Variants in ARHGAP21 observed in about 807,000 individuals in gnomAD.
ARHGAP21 encodes the protein rho GTPase-activating protein 21.
In ARHGAP21, 38 loss-of-function variants were observed where a neutral mutation model predicts 164.6. The ratio of observed to expected loss-of-function variants is 0.23; its 90% CI spans 0.18 to 0.30. The LOEUF (loss-of-function observed/expected upper bound fraction) is 0.30, where lower values mean the gene tolerates loss of function less well. ARHGAP21 is among the 10% of genes least tolerant of loss of function. The pLI, the probability that ARHGAP21 is intolerant of heterozygous loss-of-function variation, is 1.00. For missense variants in ARHGAP21, 1,822 were observed against 2,370.7 expected (o/e 0.77, Z 4.81); for synonymous variants, 766 against 857.9 (o/e 0.89, Z 1.87).
At chr10:24,605,801 TA>T (rs1022235012) in intron 11 of ARHGAP21, 9 of 143,192 alleles carry the variant, frequency 6.3e-5, no homozygotes, top group Non-Finnish European at 1.1e-4. Flanking sequence ...AATACTAAAA[TA>T]AAAATAGCCA....
rs57846258 is a variant in ARHGAP21 at position 24,592,156 on chromosome 10, ATTTTTTTT to A, written c.3877-152_3877-145del. 1.1e-3 allele frequency: 232 copies of A among 213,678 alleles called. 1 individual carries two copies. The highest frequency in any genetic ancestry group is 7.4e-3 in the Admixed American group (84 of 11,372). 13.2% of individuals were successfully genotyped at this position (213,678 alleles called of 1,614,324 possible). ...TAAAAAAATAATGCTTTCTAGCAAGATTTTTTTTTTTTTTTTTTTTTTTTTCTGAGACA... is the reference window on the plus strand; with the variant it reads ...TAAAAAAATAATGCTTTCTAGCAAGATTTTTTTTTTTTTTTTTCTGAGACA... On this transcript the variant is annotated intron_variant, in intron 21 of 25. Coordinates refer to ENST00000396432, the MANE Select transcript of ARHGAP21 (RefSeq NM_020824.4).
intron 2 of ARHGAP21, 39 bp downstream of exon 2, chr10:24,721,798 C>T: frequency 6.2e-7 from 1 of 1,610,474 alleles, no homozygotes; most frequent in Non-Finnish European, 8.5e-7. Flanking sequence ...AGACACAGGC[C>T]ACCGCCCTGC....
At chr10:24,640,458 G>A (rs1280619170) in intron 4 of ARHGAP21, among the ~76,000 whole-genome samples, 1 of 151,704 alleles carries the variant, frequency 6.6e-6, no homozygotes, top group Non-Finnish European at 1.5e-5. Flanking sequence ...TTTTTCCATT[G>A]GTTTCTTTGT....
In ARHGAP21 at chr10:24,721,895, A is replaced by G; in HGVS notation, c.5T>C (p.Met2Thr). Residue 2 changes from methionine to threonine, a missense_variant, in exon 2 of 26, where the codon ATG becomes ACG. Coordinates refer to ENST00000396432, the MANE Select transcript of ARHGAP21 (RefSeq NM_020824.4). M[M>T]ATRRTGLSEG... The stretch of plus-strand genomic sequence containing the variant: ...AGACAGACCAGTCCGACGCGTGGCC[A>G]TCATTTCATTTCAAATGACAAAGAA... The G allele has an allele frequency of 6.2e-7, 1 of 1,614,218 alleles. No homozygotes were observed. Among genetic ancestry groups the G allele is most frequent in the Non-Finnish European group, 8.5e-7 (1 of 1,180,032 alleles).
intron 4 of ARHGAP21, among the ~76,000 whole-genome samples, chr10:24,649,605 C>T (rs1312425908): frequency 6.6e-6 from 1 of 151,684 alleles, no homozygotes; most frequent in Non-Finnish European, 1.5e-5. Flanking sequence ...TGTCCCTGGA[C>T]AAAAGCAAAC....
At position 24,595,704 on chromosome 10, in the gene ARHGAP21, G is replaced by T. The variant is rs749817589; in HGVS notation, c.3712+13C>A. Reference sequence around the variant, plus strand: ...ACCATTTCATCTGGTATCTTTCACGGGAGTTAACTCACCATTTGTGAAGAG... The same window carrying T: ...ACCATTTCATCTGGTATCTTTCACGTGAGTTAACTCACCATTTGTGAAGAG... On this transcript the variant is annotated intron_variant, in intron 19 of 25. Coordinates refer to ENST00000396432, the MANE Select transcript of ARHGAP21 (RefSeq NM_020824.4). The T allele has an allele frequency of 1.2e-6, 2 of 1,604,810 alleles. No homozygotes were observed. The highest frequency in any genetic ancestry group is 1.7e-5 in the Admixed American group (1 of 59,844).
At chr10:24,624,940 C>T (rs1204287205) in intron 7 of ARHGAP21, among the ~76,000 whole-genome samples, 1 of 149,456 alleles carries the variant, frequency 6.7e-6, no homozygotes, top group Non-Finnish European at 1.5e-5. Flanking sequence ...CTTTCTTTAC[C>T]CTTGTACTTA....
chr10:24,684,310 A>T (rs2131924578), intron 2 of ARHGAP21, among the ~76,000 whole-genome samples: 1 of 152,260 alleles, frequency 6.6e-6, no homozygotes, highest in East Asian at 1.9e-4. Context: ...AACCCAGCAA[A>T]AAAACAACTT....
Position 24,594,990 on chromosome 10 carries a change from G to T in ARHGAP21, c.3836C>A (p.Ala1279Asp). 6.2e-7 allele frequency: 1 copy of T among 1,610,186 alleles called. No individual in the cohort carries two copies. The highest frequency in any genetic ancestry group is 8.5e-7 in the Non-Finnish European group (1 of 1,179,082). The change falls in exon 21 of 26, where the codon GCT becomes GAT. Residue 1279 changes from alanine to aspartate, a missense_variant. By Grantham distance (126) the Ala-to-Asp change is moderately radical (BLOSUM62 -2). Around this residue, in one of 5 missense-constraint regions of ARHGAP21, gnomAD observed 117 missense variants for 238.1 expected, o/e 0.49. Transcript: ENST00000396432. ...ATTTTCTGCCACTGTCTTCAGATGAGCTGAAAGGAACTTAAGTGTTTCATA... is the reference window on the plus strand; with the variant it reads ...ATTTTCTGCCACTGTCTTCAGATGATCTGAAAGGAACTTAAGTGTTTCATA... ...HHYETLKFLS[A>D]HLKTVAENSE...
Position 24,681,807 on chromosome 10 carries a change from T to C in ARHGAP21, c.64-11410A>G, listed in dbSNP as rs1223934673. Among the ~76,000 whole-genome samples, 3 of 152,136 alleles carry C rather than the reference T, an allele frequency of 2.0e-5. No homozygotes were observed. In the East Asian group the frequency reaches 5.8e-4, roughly 29 times the overall value. On this transcript the variant is annotated intron_variant, in intron 2 of 25. Coordinates refer to ENST00000396432, the MANE Select transcript of ARHGAP21 (RefSeq NM_020824.4). ...TGAATGTGTGCAGCCACGTGGCTTT[T>C]TATTGTTGTATATAAACTGTTGGAA...
At chr10:24,722,998 A>G (rs1229000801) in intron 1 of ARHGAP21, among the ~76,000 whole-genome samples, 4 of 151,916 alleles carry the variant, frequency 2.6e-5, no homozygotes, top group South Asian at 2.1e-4. Flanking sequence ...CCTAGGGGGA[A>G]AAAACGAGAA....
intron 3 of ARHGAP21, among the ~76,000 whole-genome samples, chr10:24,669,407 G>C (rs1219885981): frequency 6.6e-6 from 1 of 152,136 alleles, no homozygotes; most frequent in Non-Finnish European, 1.5e-5. Context: ...TGGAAATCTA[G>C]AGGTCAAAAG....
intron 4 of ARHGAP21, among the ~76,000 whole-genome samples, chr10:24,654,922 A>G (rs2131588557): frequency 6.6e-6 from 1 of 152,348 alleles, no homozygotes; most frequent in East Asian, 1.9e-4. Flanking sequence ...CAAAACAGAG[A>G]TATAGATCAA....
At chr10:24,709,087 T>C (rs1287132773) in intron 2 of ARHGAP21, among the ~76,000 whole-genome samples, 1 of 152,156 alleles carries the variant, frequency 6.6e-6, no homozygotes, top group Non-Finnish European at 1.5e-5. Context: ...TTACAACTGA[T>C]ACCACAGAAA....
chr10:24,600,557 T>C, intron 14 of ARHGAP21, 89 bp downstream of exon 14: 1 of 1,438,146 alleles, frequency 7.0e-7, no homozygotes, highest in Non-Finnish European at 9.3e-7. Flanking sequence ...ATAATTTTTT[T>C]ATAAAAATGA....
chr10:24,646,407 T>C (rs1837574530), intron 4 of ARHGAP21, among the ~76,000 whole-genome samples: 2 of 152,014 alleles, frequency 1.3e-5, no homozygotes, highest in Non-Finnish European at 2.9e-5. Flanking sequence ...ATCCTAGCAC[T>C]TTGGGAGGCA....
rs577578179 is a variant in ARHGAP21 at position 24,584,467 on chromosome 10, G to C, written c.5822C>G (p.Pro1941Arg). The change falls in exon 26 of 26, where the codon CCT becomes CGT. Residue 1941 changes from proline to arginine, a missense_variant. By Grantham distance (103) the Pro-to-Arg change is moderately radical. Transcript: ENST00000396432. ...GCCTGGGGTTTCAGACAGTTTATGA[G>C]GTTGGGCATTCGCTGCAGAACTAGC... is the stretch of plus-strand genomic sequence containing the variant. Reference protein sequence around the residue: ...KNASSAANAQPHKLSETPGSK... With the variant: ...KNASSAANAQRHKLSETPGSK... 114 of 1,613,754 alleles carry C rather than the reference G, an allele frequency of 7.1e-5. No individual in the cohort carries two copies. Among genetic ancestry groups the C allele is most frequent in the Non-Finnish European group, 9.1e-5 (107 of 1,179,832 alleles).
intron 2 of ARHGAP21, among the ~76,000 whole-genome samples, chr10:24,686,773 C>T (rs1842250360): frequency 6.6e-6 from 1 of 152,200 alleles, no homozygotes; most frequent in Admixed American, 6.5e-5. Flanking sequence ...CACATCCCTG[C>T]AGATGAGTTA....
At chr10:24,659,689 G>A (rs533702612) in intron 4 of ARHGAP21, among the ~76,000 whole-genome samples, 1 of 152,144 alleles carries the variant, frequency 6.6e-6, no homozygotes, top group South Asian at 2.1e-4. Context: ...TTGTTTTGTA[G>A]ATAGAGATCT....
Sources: allele counts gnomAD v4.1 joint callset (sites outside exome capture counted in the v4.1 genomes callset), GRCh38; gene constraint gnomAD v4.1.1; regional missense constraint gnomAD v4.1.1; transcripts MANE v1.5; gene names NCBI Gene and HGNC (gene_info 2026-07-23, HGNC 2026-07-21).